Variants in PRELID2 observed in about 807,000 individuals in gnomAD.
The protein encoded by PRELID2 is PRELI domain-containing protein 2.
A neutral mutation model predicts 28.4 loss-of-function variants in PRELID2; 25 were observed. The observed-to-expected ratio is 0.88, with a 90% CI of 0.64 to 1.23. The LOEUF is 1.23. Among genes scored for constraint, PRELID2 ranks in the 50% most tolerant of loss-of-function variants. The pLI is 0.00. For missense variants in PRELID2, 201 were observed against 214.4 expected (o/e 0.94, Z 0.39); for synonymous variants, 76 against 71.6 (o/e 1.06, Z -0.31).
At chr5:145,424,280 G>T in the PRELID2 span, among the ~76,000 whole-genome samples, 2 of 152,170 alleles carry the variant, frequency 1.3e-5, no homozygotes, top group African/African-American at 4.8e-5. Flanking sequence ...CGAGCTTCCC[G>T]GCTGCTTTGT....
At chr5:145,792,216 G>T (rs1298566386) in intron 5 of PRELID2, among the ~76,000 whole-genome samples, 1 of 152,162 alleles carries the variant, frequency 6.6e-6, no homozygotes, top group Non-Finnish European at 1.5e-5. Flanking sequence ...GGTCAGACAA[G>T]CTTGGGTTCA....
intron 1 of PRELID2, among the ~76,000 whole-genome samples, chr5:145,570,517 G>A (rs1753006866): frequency 6.6e-6 from 1 of 152,180 alleles, no homozygotes; most frequent in Non-Finnish European, 1.5e-5. Flanking sequence ...AAAGGCTGTG[G>A]TGCTGATGCT....
downstream of PRELID2, among the ~76,000 whole-genome samples, chr5:145,469,031 T>C (rs1752028455): frequency 6.6e-6 from 1 of 152,148 alleles, no homozygotes; most frequent in African/African-American, 2.4e-5. Context: ...GACTTCTAAA[T>C]CTTGGGACAG....
chr5:145,522,441 CAG>C (rs967360591), intron 1 of PRELID2, among the ~76,000 whole-genome samples: 2 of 151,420 alleles, frequency 1.3e-5, no homozygotes, highest in African/African-American at 4.9e-5. Flanking sequence ...GAAAGAGAGA[CAG>C]AGAGACAGAG....
the PRELID2 span, among the ~76,000 whole-genome samples, chr5:145,415,138 C>T: frequency 6.6e-6 from 1 of 152,164 alleles, no homozygotes; most frequent in African/African-American, 2.4e-5. Flanking sequence ...TACTAACAGT[C>T]TCTCAGATTA....
chr5:145,640,658 AAT>A (rs1418194559), intron 1 of PRELID2, among the ~76,000 whole-genome samples: 2 of 151,650 alleles, frequency 1.3e-5, no homozygotes, highest in African/African-American at 4.8e-5. Flanking sequence ...AAAAAAAAAA[AAT>A]AGAAGAAAAA....
At chr5:145,449,960 C>A in the PRELID2 span, among the ~76,000 whole-genome samples, 2 of 152,204 alleles carry the variant, frequency 1.3e-5, no homozygotes, top group East Asian at 1.9e-4. Context: ...GTTCTGCCCC[C>A]CTCTGGATAG....
chr5:145,283,104 G>GC, the PRELID2 span, among the ~76,000 whole-genome samples: 1 of 152,006 alleles, frequency 6.6e-6, no homozygotes, highest in Non-Finnish European at 1.5e-5. Flanking sequence ...CATTTCAGCC[G>GC]CCCCTAGAAT....
At chr5:145,597,976 A>T (rs1212015724) in intron 1 of PRELID2, among the ~76,000 whole-genome samples, 1 of 152,218 alleles carries the variant, frequency 6.6e-6, no homozygotes, top group Non-Finnish European at 1.5e-5. Context: ...TAAACGTAAG[A>T]TGCTATTGGA....
chr5:145,696,695 C>T lies in PRELID2; in HGVS notation n.70+68236G>A, dbSNP rs1015107680. The stretch of plus-strand genomic sequence containing the variant: ...CCCAGGCTGGTTTGGAACTCTTGAG[C>T]TCAAGTGATCTGCCCACCTCGGCCT... On this transcript the variant is annotated intron_variant and non_coding_transcript_variant, in intron 1 of 2. Coordinates refer to the PRELID2 transcript ENST00000510259. Among the ~76,000 whole-genome samples the T allele has an allele frequency of 5.3e-5, 8 of 151,918 alleles. 1 individual carries two copies. The highest frequency in any genetic ancestry group is 5.2e-4 in the Admixed American group (8 of 15,256).
chr5:145,561,109 G>A (rs988726994), intron 1 of PRELID2, among the ~76,000 whole-genome samples: 3 of 152,024 alleles, frequency 2.0e-5, no homozygotes, highest in African/African-American at 7.3e-5. Flanking sequence ...TAGGTGGAAA[G>A]GGAAAGATAT....
the PRELID2 span, among the ~76,000 whole-genome samples, chr5:145,254,967 A>C: frequency 6.6e-5 from 10 of 152,018 alleles, no homozygotes; most frequent in African/African-American, 2.2e-4. Flanking sequence ...GCTTCTAAAA[A>C]GCTGAATTTA....
chr5:145,303,992 T>C, the PRELID2 span, among the ~76,000 whole-genome samples: 2 of 152,180 alleles, frequency 1.3e-5, no homozygotes, highest in East Asian at 3.8e-4. Flanking sequence ...GCTTTATTTT[T>C]GCCTTCTTAA....
the PRELID2 span, among the ~76,000 whole-genome samples, chr5:145,298,602 T>A: frequency 3.4e-4 from 52 of 152,128 alleles, no homozygotes; most frequent in Non-Finnish European, 7.1e-4. Flanking sequence ...GGGCCCCTTA[T>A]GTCTCTTGGC....
In PRELID2 at chr5:145,615,605, C is replaced by T. The variant is rs1310093760; in HGVS notation, n.71-142290G>A. ...CCTCCCAAAGTGCTGGGATTACAGG[C>T]GTGAGCCACCGCGCCCAGCCGTGAG... On this transcript the variant is annotated intron_variant and non_coding_transcript_variant, in intron 1 of 2. Transcript: ENST00000510259. 9.4e-5 allele frequency among the ~76,000 whole-genome samples: 11 copies of T among 116,488 alleles called. 1 individual carries two copies. The Admixed American group carries it at 1.0e-3, about 11-fold the overall frequency. The allele number at this position is 116,488 out of a possible 152,430, so 76.4% of individuals were successfully genotyped here.
rs532922792 is a variant in PRELID2, at chr5:145,526,214, A to G, written n.71-52899T>C. Among the ~76,000 whole-genome samples the G allele has an allele frequency of 2.6e-5, 4 of 152,326 alleles. No individual in the cohort carries two copies. In the South Asian group the frequency reaches 8.3e-4, roughly 32 times the overall value. On this transcript the variant is annotated intron_variant and non_coding_transcript_variant, in intron 1 of 2. Coordinates refer to the PRELID2 transcript ENST00000510259. ...ATTACAAACGTAGAAACCAAAACTC[A>G]GGTGATGGGACTCATCCAAGGTCAC...
rs145100196 is a variant in PRELID2, at chr5:145,613,515, T to C, written n.71-140200A>G. On this transcript the variant is annotated intron_variant and non_coding_transcript_variant, in intron 1 of 2. Coordinates refer to the PRELID2 transcript ENST00000510259. ...TGTGTCCAAGTGTTCTCATTGTTCC[T>C]TGATGAAGCTGGAAACCACCATTCT... 5.1e-3 allele frequency among the ~76,000 whole-genome samples: 730 copies of C among 142,762 alleles called. 6 individuals are homozygous for C. Among genetic ancestry groups the C allele is most frequent in the African/African-American group, 0.018 (682 of 38,434 alleles). The allele number at this position is 142,762 out of a possible 152,430, so 93.7% of individuals were successfully genotyped here. A position where few individuals can be genotyped will look rare whatever the true frequency, so the allele number is the denominator to read the frequency against.
chr5:145,520,463 A>T (rs1239197343), intron 1 of PRELID2, among the ~76,000 whole-genome samples: 3 of 152,092 alleles, frequency 2.0e-5, no homozygotes, highest in Non-Finnish European at 4.4e-5. Context: ...CAGCACACAC[A>T]AGCCTTCTTC....
At chr5:145,301,084 T>C in the PRELID2 span, among the ~76,000 whole-genome samples, 1 of 152,110 alleles carries the variant, frequency 6.6e-6, no homozygotes, top group Non-Finnish European at 1.5e-5. Flanking sequence ...TATCCCAATG[T>C]GATTGTGTTA....
Sources: gnomAD v4.1 joint callset for allele counts (sites outside exome capture counted in the v4.1 genomes callset) on GRCh38, gnomAD v4.1.1 for gene constraint, MANE v1.5 for transcripts, NCBI Gene and HGNC (gene_info 2026-07-23, HGNC 2026-07-21) for gene names.